The following EDA variants were observed in gnomAD, a reference collection of about 807,000 sequenced individuals.
EDA encodes ectodysplasin A, also known as ectodysplasin-A.
A neutral mutation model predicts 23.6 loss-of-function variants in EDA; 2 were observed. The observed-to-expected ratio is 0.08, with a 90% confidence interval of 0.03 to 0.27. The LOEUF (loss-of-function observed/expected upper bound fraction) is 0.27, where lower values mean the gene tolerates loss of function less well. EDA is among the 10% of genes least tolerant of loss of function. The pLI is 1.00. For synonymous variants in EDA, 131 were observed against 132.0 expected, an observed-to-expected ratio of 0.99 and a Z score of 0.05; for missense variants, 229 against 324.2, an observed-to-expected ratio of 0.71 and a Z score of 2.26.
chrX:70,007,201 G>T (rs906405224), intron 2 of EDA, among the ~76,000 whole-genome samples: 4 of 111,845 alleles, frequency 3.6e-5, no homozygotes, highest in African/African-American at 1.3e-4. Flanking sequence ...TCAATATTGT[G>T]TTGGCTGTTC....
At chrX:69,721,359 G>A (rs764038675) in intron 1 of EDA, among the ~76,000 whole-genome samples, 11 of 111,996 alleles carry the variant, frequency 9.8e-5, no homozygotes, top group Non-Finnish European at 1.7e-4. Context: ...CTCTGGTTCC[G>A]TTTTCTTTCC....
intron 1 of EDA, among the ~76,000 whole-genome samples, chrX:69,667,196 T>G (rs1323934113): frequency 9.4e-6 from 1 of 105,935 alleles, no homozygotes; most frequent in African/African-American, 3.5e-5. Context: ...TGGCTCAAGC[T>G]TTGCCTCCCA....
intron 1 of EDA, among the ~76,000 whole-genome samples, chrX:69,914,403 G>A (rs1250969832): frequency 1.8e-5 from 2 of 111,809 alleles, no homozygotes; most frequent in African/African-American, 6.5e-5. Context: ...AAATAATAGA[G>A]CTAAAGTTTA....
At chrX:69,911,531 G>A (rs2018266475) in intron 1 of EDA, among the ~76,000 whole-genome samples, 1 of 111,645 alleles carries the variant, frequency 9.0e-6, no homozygotes, top group Non-Finnish European at 1.9e-5. Context: ...AGTGCTTTCA[G>A]GTAGCTTTTT....
At chrX:70,012,157 G>T (rs5936820) in intron 2 of EDA, among the ~76,000 whole-genome samples, 34,805 of 110,687 alleles carry the variant, frequency 0.31, 4,529 homozygotes, top group African/African-American at 0.5. Context: ...GGGTTTTGTC[G>T]AAAGAAAACA....
At chrX:69,896,255 A>C (rs776627284) in intron 1 of EDA, among the ~76,000 whole-genome samples, 1 of 111,733 alleles carries the variant, frequency 8.9e-6, no homozygotes, top group East Asian at 2.8e-4. Flanking sequence ...ATGTTAACTT[A>C]ATTACCTCTT....
At chrX:69,660,737 A>C (rs1324813459) in intron 1 of EDA, among the ~76,000 whole-genome samples, 3 of 111,554 alleles carry the variant, frequency 2.7e-5, no homozygotes, top group African/African-American at 9.8e-5. Flanking sequence ...AATCTAGTCT[A>C]TCATTGGTGG....
At chrX:69,759,409 G>A (rs2147407388) in intron 1 of EDA, among the ~76,000 whole-genome samples, 1 of 112,063 alleles carries the variant, frequency 8.9e-6, no homozygotes, top group East Asian at 2.8e-4. Context: ...TCTCCTGAAA[G>A]CAGAAAGTGC....
chrX:69,989,936 C>CTT lies in EDA; in HGVS notation c.502+32821_502+32822dup, dbSNP rs760347264. The stretch of plus-strand genomic sequence containing the variant: ...GGGAGAGAGAAAGAGGTTAGGCTTT[C>CTT]TTTTTTTTTTTTTTTTTTCATTTTT... On this transcript the variant is annotated intron_variant, in intron 2 of 7. Transcript: ENST00000374552. Among the ~76,000 whole-genome samples the CTT allele has an allele frequency of 1.2e-3, 88 of 70,676 alleles. 1 individual carries two copies. The highest frequency in any genetic ancestry group is 1.8e-3 in the Non-Finnish European group (68 of 38,171). The allele number at this position is 70,676 out of a possible 115,157, so 61.4% of individuals were successfully genotyped here. A position where few individuals can be genotyped will look rare whatever the true frequency, so the allele number is the denominator to read the frequency against.
intron 1 of EDA, among the ~76,000 whole-genome samples, chrX:69,880,480 CAG>C (rs1160277381): frequency 1.8e-5 from 2 of 111,929 alleles, no homozygotes; most frequent in South Asian, 7.5e-4. Context: ...CCTGGTGACT[CAG>C]GGGACGAAAC....
chrX:69,890,919 C>G (rs2017917633), intron 1 of EDA, among the ~76,000 whole-genome samples: 1 of 111,368 alleles, frequency 9.0e-6, no homozygotes, highest in Admixed American at 9.6e-5. Context: ...AGAGCTTCTG[C>G]ACAGCAAAAG....
chrX:69,780,778 C>T (rs1264447004), intron 1 of EDA, among the ~76,000 whole-genome samples: 1 of 111,130 alleles, frequency 9.0e-6, no homozygotes, highest in Non-Finnish European at 1.9e-5. Context: ...CATCCTTCCA[C>T]CAAGACTGTA....
intron 1 of EDA, among the ~76,000 whole-genome samples, chrX:69,926,237 A>G (rs1297289022): frequency 9.1e-6 from 1 of 109,669 alleles, no homozygotes; most frequent in Non-Finnish European, 1.9e-5. Flanking sequence ...TAGCTCTTTT[A>G]ATTGTGATGT....
chrX:69,826,103 A>G (rs2016423952), intron 1 of EDA, among the ~76,000 whole-genome samples: 1 of 110,429 alleles, frequency 9.1e-6, no homozygotes, highest in Non-Finnish European at 1.9e-5. Context: ...TTTGCTGAGG[A>G]GAGCTTTACT....
chrX:69,824,220 T>C (rs1230842148), intron 1 of EDA, among the ~76,000 whole-genome samples: 1 of 110,924 alleles, frequency 9.0e-6, no homozygotes, highest in Non-Finnish European at 1.9e-5. Flanking sequence ...AGTAGTTTTT[T>C]CCAATTCTGT....
intron 1 of EDA, among the ~76,000 whole-genome samples, chrX:69,747,836 A>C (rs1159938656): frequency 3.6e-5 from 4 of 111,477 alleles, no homozygotes; most frequent in Non-Finnish European, 7.5e-5. Flanking sequence ...GGTGGTTAGG[A>C]TTTGCAAGTG....
chrX:69,870,371 C>T (rs1371450856), intron 1 of EDA, among the ~76,000 whole-genome samples: 1 of 110,899 alleles, frequency 9.0e-6, no homozygotes, highest in Non-Finnish European at 1.9e-5. Flanking sequence ...AGTGCACCTC[C>T]TCATGGGTCA....
intron 2 of EDA, among the ~76,000 whole-genome samples, chrX:69,995,304 A>G (rs1238786393): frequency 8.9e-6 from 1 of 112,056 alleles, no homozygotes; most frequent in African/African-American, 3.2e-5. Flanking sequence ...AATCCATCCA[A>G]TCCCTTGAGA....
At chrX:69,946,337 A>G (rs191609193) in intron 1 of EDA, among the ~76,000 whole-genome samples, 2 of 110,433 alleles carry the variant, frequency 1.8e-5, no homozygotes, top group Non-Finnish European at 3.8e-5. Context: ...CACTTTCTAT[A>G]CTCACATTCC....
Sources: allele counts gnomAD v4.1 joint callset (sites outside exome capture counted in the v4.1 genomes callset), GRCh38; gene constraint gnomAD v4.1.1; transcripts MANE v1.5; gene names NCBI Gene and HGNC (gene_info 2026-07-23, HGNC 2026-07-21).